ARHGAP21: variants seen among roughly 807,000 people sequenced by gnomAD.
ARHGAP21 encodes the protein rho GTPase-activating protein 21.
Under a neutral mutation model 164.6 loss-of-function variants are expected in ARHGAP21, and 38 were observed. The ratio of observed to expected loss-of-function variants is 0.23; its 90% CI spans 0.18 to 0.30. The LOEUF is 0.30. Among genes scored for constraint, ARHGAP21 ranks in the 10% least tolerant of loss-of-function variants. The probability of loss-of-function intolerance (pLI) is 1.00; values close to 1 mark genes in which losing one functional copy is unlikely to be tolerated. For synonymous variants in ARHGAP21, 766 were observed against 857.9 expected (o/e 0.89, Z 1.87); for missense variants, 1,822 against 2,370.7 (o/e 0.77, Z 4.81).
chr10:24,719,504 A>G (rs1290194241), intron 2 of ARHGAP21, among the ~76,000 whole-genome samples: 1 of 152,212 alleles, frequency 6.6e-6, no homozygotes, highest in Non-Finnish European at 1.5e-5. Context: ...AATTCATTAC[A>G]TTGATTTCTT....
chr10:24,620,318 T>G lies in ARHGAP21; in HGVS notation c.1577A>C (p.Tyr526Ser), dbSNP rs754973145. 2 of 1,613,988 alleles carry G rather than the reference T, an allele frequency of 1.2e-6. No homozygotes were observed. Among genetic ancestry groups the G allele is most frequent in the Non-Finnish European group, 8.5e-7 (1 of 1,179,872 alleles). Residue 526 changes from tyrosine (Y) to serine (S), a missense_variant, in exon 9 of 26, where the codon TAC (tyrosine) becomes TCC (serine). Physicochemically the swap from Tyr to Ser is moderately radical, Grantham distance 144 (BLOSUM62 -2). Coordinates refer to ENST00000396432, the MANE Select transcript of ARHGAP21 (RefSeq NM_020824.4). ...PDSNGEKKQTYKWSGFTEQDD... is the reference protein window; with the variant it reads ...PDSNGEKKQTSKWSGFTEQDD... ...CTGTTCAGTAAACCCACTCCACTTG[T>G]AAGTCTGTTTTTTCTCTCCATTGGA...
At position 24,596,892 on chromosome 10, in the gene ARHGAP21, GCCAGTCAAA is replaced by G; in HGVS notation, c.3335-19_3335-11del. On this transcript the variant is annotated splice_polypyrimidine_tract_variant and intron_variant, in intron 16 of 25. Transcript: ENST00000396432. ...GGGGGACTGGTATCATCTTTTGATTGCCAGTCAAAATAAAACAACATAATAAAATGGAAA... is the reference window on the plus strand; with the variant it reads ...GGGGGACTGGTATCATCTTTTGATTGATAAAACAACATAATAAAATGGAAA... 6.3e-7 allele frequency: 1 copy of G among 1,589,870 alleles called. No individual in the cohort carries two copies. The highest frequency in any genetic ancestry group is 8.5e-7 in the Non-Finnish European group (1 of 1,173,864).
intron 4 of ARHGAP21, among the ~76,000 whole-genome samples, chr10:24,650,110 T>C (rs2131538235): frequency 6.6e-6 from 1 of 152,322 alleles, no homozygotes; most frequent in South Asian, 2.1e-4. Context: ...ATATCTTCAA[T>C]ATTACTGAAT....
intron 2 of ARHGAP21, among the ~76,000 whole-genome samples, chr10:24,696,665 G>T (rs565360284): frequency 6.6e-6 from 1 of 152,252 alleles, no homozygotes; most frequent in East Asian, 1.9e-4. Flanking sequence ...GATGGCTCTA[G>T]GAAGTTTGGA....
intron 4 of ARHGAP21, among the ~76,000 whole-genome samples, chr10:24,664,371 A>G (rs532539151): frequency 5.3e-5 from 8 of 152,116 alleles, no homozygotes; most frequent in Non-Finnish European, 8.8e-5. Flanking sequence ...CCTGGCCAAC[A>G]TGGTGAAACC....
chr10:24,659,566 C>T (rs952506833), intron 4 of ARHGAP21, among the ~76,000 whole-genome samples: 6 of 152,188 alleles, frequency 3.9e-5, no homozygotes, highest in Admixed American at 3.3e-4. Context: ...CTGCCCACCT[C>T]GGCCTCCCAA....
chr10:24,636,370 C>A (rs1836382276), intron 4 of ARHGAP21, among the ~76,000 whole-genome samples: 1 of 152,160 alleles, frequency 6.6e-6, no homozygotes, highest in Non-Finnish European at 1.5e-5. Context: ...AATTTGTGGA[C>A]CCCACCCTAG....
At chr10:24,721,769 C>T (rs1845965446) in intron 2 of ARHGAP21, 68 bp downstream of exon 2, 1 of 1,584,482 alleles carries the variant, frequency 6.3e-7, no homozygotes, top group African/African-American at 1.3e-5. Flanking sequence ...CCGGTAACCC[C>T]CAACTTGCAG....
At chr10:24,633,854 A>C (rs979022357) in intron 5 of ARHGAP21, among the ~76,000 whole-genome samples, 3 of 126,852 alleles carry the variant, frequency 2.4e-5, no homozygotes, top group African/African-American at 8.8e-5. Context: ...AGAACTAATT[A>C]TCTCTCCACG....
rs541426555 is a variant in ARHGAP21, at chr10:24,584,709, G to A, written c.5580C>T (p.Thr1860=). 9 of 1,613,956 alleles carry A rather than the reference G, an allele frequency of 5.6e-6. No individual in the cohort carries two copies. The East Asian group carries it at 8.9e-5, about 16-fold the overall frequency. The stretch of plus-strand genomic sequence containing the variant: ...CTCCTCTGCTAAGGTCAGAGGTACT[G>A]GTGCGTAGGCGTTCCCTGGCCAGCC... The part of the protein sequence containing the change: ...SDWLARERLR[T]STSDLSRGEI... Residue 1860 remains threonine, a synonymous_variant, in exon 26 of 26, where the codon ACC becomes ACT. Transcript: ENST00000396432.
chr10:24,658,717 T>C (rs1037308612), intron 4 of ARHGAP21, among the ~76,000 whole-genome samples: 3 of 152,056 alleles, frequency 2.0e-5, no homozygotes, highest in Admixed American at 6.6e-5. Flanking sequence ...TTAGGAGATA[T>C]ACCTAATGTA....
chr10:24,649,236 G>C lies in ARHGAP21; in HGVS notation c.269-14133C>G, dbSNP rs554766545. On this transcript the variant is annotated intron_variant, in intron 4 of 25. Transcript: ENST00000396432. ...ATAGAGAGATGGGTAATTTATATCTGAACCATAGTGTATATACATGTAAAA... is the reference window on the plus strand; with the variant it reads ...ATAGAGAGATGGGTAATTTATATCTCAACCATAGTGTATATACATGTAAAA... Among the ~76,000 whole-genome samples, 3 of 152,262 alleles carry C rather than the reference G, an allele frequency of 2.0e-5. No homozygotes were observed. In the East Asian group the frequency reaches 5.8e-4, roughly 29 times the overall value.
rs79522389 is a variant in ARHGAP21, at chr10:24,664,646, T to A, written c.268+2339A>T. ...GTACTAAATCTTCTGAATGTCAATT[T>A]AATTAATTTTTTACCATAATTGACC... On this transcript the variant is annotated intron_variant, in intron 4 of 25. Coordinates refer to ENST00000396432, the MANE Select transcript of ARHGAP21 (RefSeq NM_020824.4). Among the ~76,000 whole-genome samples, 1,248 of 152,062 alleles carry A rather than the reference T, an allele frequency of 8.2e-3. 9 individuals are homozygous for A. The highest frequency in any genetic ancestry group is 0.011 in the Non-Finnish European group (769 of 67,970).
At chr10:24,603,300 G>A (rs2076891335) in intron 12 of ARHGAP21, among the ~76,000 whole-genome samples, 1 of 152,176 alleles carries the variant, frequency 6.6e-6, no homozygotes, top group Non-Finnish European at 1.5e-5. Context: ...TTCAGGAAGG[G>A]AGCCAGAAAT....
intron 14 of ARHGAP21, among the ~76,000 whole-genome samples, chr10:24,599,261 T>C (rs1188371919): frequency 6.6e-6 from 1 of 152,232 alleles, no homozygotes; most frequent in East Asian, 1.9e-4. Flanking sequence ...TGACACATAG[T>C]AGGTGCCTGT....
At chr10:24,712,961 A>G (rs536145042) in intron 2 of ARHGAP21, among the ~76,000 whole-genome samples, 15 of 151,070 alleles carry the variant, frequency 9.9e-5, no homozygotes, top group African/African-American at 1.5e-4. Context: ...TGGGTATTAC[A>G]GAGGTATTAC....
At chr10:24,592,746 GAAAA>G (rs111914027) in intron 21 of ARHGAP21, among the ~76,000 whole-genome samples, 1 of 141,570 alleles carries the variant, frequency 7.1e-6, no homozygotes, top group Non-Finnish European at 1.5e-5. Context: ...AAGAAAAAAA[GAAAA>G]AAAAAACAAA....
At chr10:24,681,355 CAA>C (rs1841736291) in intron 2 of ARHGAP21, among the ~76,000 whole-genome samples, 1 of 152,150 alleles carries the variant, frequency 6.6e-6, no homozygotes, top group Non-Finnish European at 1.5e-5. Context: ...ATAAAAAGTA[CAA>C]AGTCTACATG....
chr10:24,684,406 CCA>C (rs1359353367), intron 2 of ARHGAP21, among the ~76,000 whole-genome samples: 43 of 152,218 alleles, frequency 2.8e-4, no homozygotes, highest in African/African-American at 9.9e-4. Flanking sequence ...CTGACAACTG[CCA>C]CATTTAACTA....
Sources: allele counts gnomAD v4.1 joint callset (sites outside exome capture counted in the v4.1 genomes callset), GRCh38; gene constraint gnomAD v4.1.1; transcripts MANE v1.5; gene names NCBI Gene and HGNC (gene_info 2026-07-23, HGNC 2026-07-21).